Variants in ESM1 observed in about 807,000 individuals in gnomAD.
ESM1 encodes endothelial cell specific molecule 1.
In ESM1, 7 loss-of-function variants were observed where a neutral mutation model predicts 14.9. That is an observed-to-expected ratio of 0.47 (90% CI 0.27 to 0.88). The LOEUF (loss-of-function observed/expected upper bound fraction) is 0.88, where lower values mean the gene tolerates loss of function less well. Among genes scored for constraint, ESM1 ranks in the 40% least tolerant of loss-of-function variants. The pLI is 0.14. For missense variants in ESM1, 192 were observed against 237.9 expected, an observed-to-expected ratio of 0.81 and a Z score of 1.27; for synonymous variants, 89 against 89.4, an observed-to-expected ratio of 1.00 and a Z score of 0.02.
At chr5:54,983,709 C>G (rs1740448333) in intron 1 of ESM1, among the ~76,000 whole-genome samples, 1 of 152,166 alleles carries the variant, frequency 6.6e-6, no homozygotes, top group Admixed American at 6.5e-5. Flanking sequence ...TTTTTAGTAT[C>G]TTGATCATTC....
At chr5:54,983,659 A>G (rs1291718317) in intron 1 of ESM1, among the ~76,000 whole-genome samples, 1 of 152,260 alleles carries the variant, frequency 6.6e-6, no homozygotes, top group Non-Finnish European at 1.5e-5. Flanking sequence ...TAGATTCATC[A>G]GCAACCTGAA....
At chr5:54,984,834 G>A (rs1439611504) in intron 1 of ESM1, among the ~76,000 whole-genome samples, 1 of 152,188 alleles carries the variant, frequency 6.6e-6, no homozygotes, top group African/African-American at 2.4e-5. Flanking sequence ...CATTCCAAGA[G>A]GTTATCTAGT....
chr5:54,981,918 C>G (rs1004232160), intron 2 of ESM1, 79 bp downstream of exon 2: 3 of 1,369,794 alleles, frequency 2.2e-6, no homozygotes, highest in Non-Finnish European at 3.1e-6. Flanking sequence ...ACATCTTATT[C>G]TACTCACAGA....
At position 54,979,122 on chromosome 5, in the gene ESM1, G is replaced by A. The variant is rs1296524243; in HGVS notation, c.*210C>T. The A allele has an allele frequency of 1.6e-5, 8 of 505,436 alleles. No homozygotes were observed. Among genetic ancestry groups the A allele is most frequent in the East Asian group, 3.4e-5 (1 of 29,824 alleles). The allele number at this position is 505,436 out of a possible 1,614,324, so 31.3% of individuals were successfully genotyped here. ...ACATTTAACAAATCTACATGCATTC[G>A]AATATTTAACAAACACATACAAGTG... is the stretch of plus-strand genomic sequence containing the variant. On this transcript the variant is annotated 3_prime_UTR_variant, in exon 3 of 3. Transcript: ENST00000381405.
intron 2 of ESM1, among the ~76,000 whole-genome samples, chr5:54,981,388 G>A (rs1744048793): frequency 3.9e-5 from 6 of 152,090 alleles, no homozygotes. Flanking sequence ...TCTAACACCT[G>A]TATAAGAAAT....
chr5:54,980,834 A>G (rs917540657), intron 2 of ESM1, among the ~76,000 whole-genome samples: 11 of 152,226 alleles, frequency 7.2e-5, no homozygotes, highest in African/African-American at 2.4e-4. Context: ...ATTAGAAAAC[A>G]AGCACCTTTG....
Position 54,978,828 on chromosome 5 carries a change from C to CAA in ESM1, c.*502_*503dup, listed in dbSNP as rs10557410. 4.4e-3 allele frequency: 571 copies of CAA among 130,528 alleles called. 2 individuals are homozygous for CAA. The highest frequency in any genetic ancestry group is 0.034 in the South Asian group (136 of 4,044). 8.1% of individuals were successfully genotyped at this position (130,528 alleles called of 1,614,324 possible). On this transcript the variant is annotated 3_prime_UTR_variant, in exon 3 of 3. Coordinates refer to ENST00000381405, the MANE Select transcript of ESM1 (RefSeq NM_007036.5). ...GTTTTATTTTGACTTTTCCCAAAGCCAAAAAAAAAAAAAAAAGCACAATTA... is the reference window on the plus strand; with the variant it reads ...GTTTTATTTTGACTTTTCCCAAAGCCAAAAAAAAAAAAAAAAAAGCACAATTA...
chr5:54,984,366 C>T (rs183548629), intron 1 of ESM1, among the ~76,000 whole-genome samples: 265 of 152,072 alleles, frequency 1.7e-3, no homozygotes, highest in Middle Eastern at 3.4e-3. Context: ...GATATCTATA[C>T]GTAGAGTATT....
rs1740517746 is a variant in ESM1, at chr5:54,985,484, C to CGAG, written c.31_33dup (p.Leu11dup). 6.2e-7 allele frequency: 1 copy of CGAG among 1,604,734 alleles called. No homozygotes were observed. Among genetic ancestry groups the CGAG allele is most frequent in the African/African-American group, 1.3e-5 (1 of 74,746 alleles). ...CAGGCGGCCACCAGGTGTGCAGGCA[C>CGAG]GAGGAGCGTGGTCAGCAGCAAGACG... is the stretch of plus-strand genomic sequence containing the variant. On this transcript the variant is annotated inframe_insertion, in exon 1 of 3. Transcript: ENST00000381405.
At chr5:54,982,452 A>T (rs1207674108) in intron 1 of ESM1, among the ~76,000 whole-genome samples, 1 of 152,214 alleles carries the variant, frequency 6.6e-6, no homozygotes, top group Non-Finnish European at 1.5e-5. Flanking sequence ...CTGCTTAGAT[A>T]CCAATAAATT....
At position 54,978,310 on chromosome 5, in the gene ESM1, G is replaced by C. The variant is rs1175778961; in HGVS notation, c.*1022C>G. Reference sequence around the variant, plus strand: ...TATGTTTAAATAAGGACCCTCTGTTGCTCATTTTTTGACATTTTTGAAATC... The same window carrying C: ...TATGTTTAAATAAGGACCCTCTGTTCCTCATTTTTTGACATTTTTGAAATC... On this transcript the variant is annotated 3_prime_UTR_variant, in exon 3 of 3. Transcript: ENST00000381405. 1.3e-5 allele frequency: 2 copies of C among 151,876 alleles called. No homozygotes were observed. The highest frequency in any genetic ancestry group is 2.9e-5 in the Non-Finnish European group (2 of 67,972). 9.4% of individuals were successfully genotyped at this position (151,876 alleles called of 1,614,324 possible).
rs377158696 is a variant in ESM1, at chr5:54,979,314, C to A, written c.*18G>T. On this transcript the variant is annotated 3_prime_UTR_variant, in exon 3 of 3. Coordinates refer to ENST00000381405, the MANE Select transcript of ESM1 (RefSeq NM_007036.5). ...CAATCACGAAAATAGAGCCTTCTCTCAGAAATCACAGCCGGGATCAGCGTG... is the reference window on the plus strand; with the variant it reads ...CAATCACGAAAATAGAGCCTTCTCTAAGAAATCACAGCCGGGATCAGCGTG... 6.3e-6 allele frequency: 10 copies of A among 1,583,640 alleles called. No individual in the cohort carries two copies. In the African/African-American group the frequency reaches 1.3e-4, roughly 21 times the overall value.
chr5:54,985,593 T>A lies in ESM1; in HGVS notation c.-76A>T, dbSNP rs904172446. The stretch of plus-strand genomic sequence containing the variant: ...GGAAGCAGCCGTCCAAACTGGTAGC[T>A]GAGCCTCTGCCTACACGTTTATGAG... On this transcript the variant is annotated 5_prime_UTR_variant, in exon 1 of 3. Transcript: ENST00000381405. 7.3e-7 allele frequency: 1 copy of A among 1,377,688 alleles called. No homozygotes were observed. The highest frequency in any genetic ancestry group is 1.4e-5 in the African/African-American group (1 of 70,088). 85.3% of individuals were successfully genotyped at this position (1,377,688 alleles called of 1,614,324 possible).
chr5:54,981,957 A>G (rs374889505), intron 2 of ESM1, 40 bp downstream of exon 2: 2 of 1,576,368 alleles, frequency 1.3e-6, no homozygotes, highest in Admixed American at 1.7e-5. Flanking sequence ...CACTGAAATG[A>G]GACTATTCTT....
intron 1 of ESM1, among the ~76,000 whole-genome samples, chr5:54,982,793 A>T (rs1369549499): frequency 6.6e-6 from 1 of 152,192 alleles, no homozygotes; most frequent in African/African-American, 2.4e-5. Context: ...CTAACATGCA[A>T]GATGCTAAAT....
intron 2 of ESM1, among the ~76,000 whole-genome samples, chr5:54,980,704 C>T (rs1010231738): frequency 6.6e-6 from 1 of 152,076 alleles, no homozygotes; most frequent in Non-Finnish European, 1.5e-5. Flanking sequence ...TTTGTGTAAC[C>T]TATAATGTAA....
At chr5:54,982,229 C>T in intron 1 of ESM1, 83 bp from the exon 2 acceptor site, 3 of 1,338,182 alleles carry the variant, frequency 2.2e-6, no homozygotes, top group Non-Finnish European at 2.1e-6. Context: ...CATAGCCTTG[C>T]GATTTGAACC....
intron 1 of ESM1, among the ~76,000 whole-genome samples, chr5:54,982,681 C>T (rs1740411782): frequency 6.6e-6 from 1 of 152,182 alleles, no homozygotes; most frequent in South Asian, 2.1e-4. Context: ...TCCATCTGCT[C>T]CAACCCTTAT....
At chr5:54,979,818 G>A (rs190435385) in intron 2 of ESM1, among the ~76,000 whole-genome samples, 1 of 152,308 alleles carries the variant, frequency 6.6e-6, no homozygotes, top group Admixed American at 6.5e-5. Context: ...TTATGGAATA[G>A]GCAAATGTTG....
Sources: gnomAD v4.1 joint callset for allele counts (sites outside exome capture counted in the v4.1 genomes callset) on GRCh38, gnomAD v4.1.1 for gene constraint, MANE v1.5 for transcripts, NCBI Gene and HGNC (gene_info 2026-07-23, HGNC 2026-07-21) for gene names.